CES2: variants seen among roughly 807,000 people sequenced by gnomAD.
CES2 encodes the protein cocaine esterase.
A neutral mutation model predicts 52.1 loss-of-function variants in CES2; 42 were observed. The observed-to-expected ratio is 0.81, with a 90% CI of 0.63 to 1.04. The LOEUF (loss-of-function observed/expected upper bound fraction) is 1.04. Ranked by LOEUF, CES2 falls within the 50% of genes least tolerant of loss-of-function variation. The pLI is 0.00. For missense variants in CES2, 656 were observed against 724.3 expected (o/e 0.91, Z 1.08); for synonymous variants, 277 against 289.6 (o/e 0.96, Z 0.44).
Position 66,943,671 on chromosome 16 carries a change from C to T in CES2, c.1494-168C>T, listed in dbSNP as rs1362084493. The T allele has an allele frequency of 1.7e-6, 1 of 602,322 alleles. No individual in the cohort carries two copies. The highest frequency in any genetic ancestry group is 2.9e-6 in the Non-Finnish European group (1 of 344,812). 37.3% of individuals were successfully genotyped at this position (602,322 alleles called of 1,614,324 possible). A position where few individuals can be genotyped will look rare whatever the true frequency, so the allele number is the denominator to read the frequency against. ...CCCCCAACCCCCACTGGTGCTGACA[C>T]TAGCCAGAGGGAGCTTATTTCCTGT... On this transcript the variant is annotated intron_variant, in intron 11 of 11. Transcript: ENST00000317091. The surrounding 1 kb of genome is among the most constrained non-coding windows in gnomAD (Gnocchi z 4.2).
At chr16:66,942,011 T>C in intron 8 of CES2, 94 bp from the exon 9 acceptor site, 1 of 1,526,760 alleles carries the variant, frequency 6.5e-7, no homozygotes. Flanking sequence ...TCGCCTTTGC[T>C]CCCCCTTCCT....
At chr16:66,942,549 A>G in intron 9 of CES2, 99 bp from the exon 10 acceptor site, 1 of 1,389,792 alleles carries the variant, frequency 7.2e-7, no homozygotes, top group Non-Finnish European at 9.9e-7. Context: ...CATTGTCCAG[A>G]TTCCAGCCAG....
Position 66,941,768 on chromosome 16 carries a change from G to C in CES2, c.1057G>C (p.Val353Leu), listed in dbSNP as rs1057434076. 3 of 1,614,016 alleles carry C rather than the reference G, an allele frequency of 1.9e-6. No individual in the cohort carries two copies. In the African/African-American group the frequency reaches 4.0e-5, roughly 22 times the overall value. ...TACAGACTCTCTCCTGGCCATCCAG[G>C]TCATGAGGATCTATGATACCCAGAA... ...NNEFGWLIPK[V>L]MRIYDTQKEM... Residue 353 changes from valine (V) to leucine (L), a missense_variant and splice_region_variant, in exon 8 of 12, where the codon GTC (valine) becomes CTC (leucine). By Grantham distance (32) the Val-to-Leu change is conservative. Coordinates refer to ENST00000317091, the MANE Select transcript of CES2 (RefSeq NM_001365405.1).
chr16:66,934,601 G>A (rs1963154164), upstream of CES2: 8 of 609,852 alleles, frequency 1.3e-5, no homozygotes, highest in Admixed American at 1.0e-4. The surrounding 1 kb of genome is among the most constrained non-coding windows in gnomAD (Gnocchi z 4.1). Flanking sequence ...GCGGCGCTGG[G>A]TCGTGCGAGC....
intron 1 of CES2, among the ~76,000 whole-genome samples, chr16:66,937,597 C>T (rs1963244148): frequency 6.6e-6 from 1 of 152,210 alleles, no homozygotes; most frequent in Non-Finnish European, 1.5e-5. Flanking sequence ...CCATACTTTT[C>T]TCTTGCACCT....
At position 66,942,158 on chromosome 16, in the gene CES2, T is replaced by G; in HGVS notation, c.1191T>G (p.Asn397Lys). 2 of 1,613,654 alleles carry G rather than the reference T, an allele frequency of 1.2e-6. No individual in the cohort carries two copies. The highest frequency in any genetic ancestry group is 1.7e-6 in the Non-Finnish European group (2 of 1,179,670). Reference protein sequence around the residue: ...DLLREEYIGDNGDPQTLQAQF... With the variant: ...DLLREEYIGDKGDPQTLQAQF... Reference sequence around the variant, plus strand: ...TGAGGGAGGAGTACATTGGGGACAATGGGGATCCCCAGACCCTCCAAGCGC... The same window carrying G: ...TGAGGGAGGAGTACATTGGGGACAAGGGGGATCCCCAGACCCTCCAAGCGC... The change falls in exon 9 of 12, where the codon AAT (asparagine) becomes AAG (lysine). Residue 397 changes from asparagine (N) to lysine (K), a missense_variant. Physicochemically the swap from Asn to Lys is moderately conservative, Grantham distance 94. Transcript: ENST00000317091.
At chr16:66,939,080 A>C in intron 2 of CES2, 137 bp from the exon 3 acceptor site, 1 of 703,238 alleles carries the variant, frequency 1.4e-6, no homozygotes, top group East Asian at 2.8e-5. Flanking sequence ...CTTGGTGGGA[A>C]GGGATTTTTG....
chr16:66,934,897 C>T (rs1457634030), upstream of CES2: 2 of 159,860 alleles, frequency 1.3e-5, no homozygotes, highest in Non-Finnish European at 2.7e-5. The surrounding 1 kb of genome is among the most constrained non-coding windows in gnomAD (Gnocchi z 4.1). Flanking sequence ...TGACCATGGC[C>T]GTGGTCTCCG....
At position 66,943,682 on chromosome 16, in the gene CES2, G is replaced by T; in HGVS notation, c.1494-157G>T. On this transcript the variant is annotated intron_variant, in intron 11 of 11. Coordinates refer to ENST00000317091, the MANE Select transcript of CES2 (RefSeq NM_001365405.1). The surrounding 1 kb of genome is among the most constrained non-coding windows in gnomAD (Gnocchi z 4.2). Reference sequence around the variant, plus strand: ...CACTGGTGCTGACACTAGCCAGAGGGAGCTTATTTCCTGTTTCTGGAAGCC... The same window carrying T: ...CACTGGTGCTGACACTAGCCAGAGGTAGCTTATTTCCTGTTTCTGGAAGCC... The T allele has an allele frequency of 1.6e-6, 1 of 612,512 alleles. No individual in the cohort carries two copies. The highest frequency in any genetic ancestry group is 2.8e-6 in the Non-Finnish European group (1 of 352,064). 37.9% of individuals were successfully genotyped at this position (612,512 alleles called of 1,614,324 possible).
chr16:66,935,053 G>C (rs1179924137), upstream of CES2: 1 of 196,540 alleles, frequency 5.1e-6, no homozygotes. Context: ...GTAAGGAGAT[G>C]AGGGGCCGTG....
Position 66,944,320 on chromosome 16 carries a change from AAAAAG to A in CES2, c.*297_*301del. The A allele has an allele frequency of 4.5e-6, 1 of 220,204 alleles. No homozygotes were observed. Among genetic ancestry groups the A allele is most frequent in the Non-Finnish European group, 7.9e-6 (1 of 126,204 alleles). 13.6% of individuals were successfully genotyped at this position (220,204 alleles called of 1,614,324 possible). On this transcript the variant is annotated 3_prime_UTR_variant, in exon 12 of 12. Transcript: ENST00000317091. ...AGACCCCTTCTCAAAAAAAAAAAAA[AAAAAG>A]AGAGAGTGTGTGATTAGAAGCTAAA...
chr16:66,943,443 G>C lies in CES2; in HGVS notation c.1493+72G>C. On this transcript the variant is annotated intron_variant, in intron 11 of 11. Coordinates refer to ENST00000317091, the MANE Select transcript of CES2 (RefSeq NM_001365405.1). This position sits in a 1 kb window ranked among gnomAD's most constrained non-coding sequence, Gnocchi z 4.2. Reference sequence around the variant, plus strand: ...TGCCCATCCAGTGCTCTCCTAGTCTGGGGTGACCTCATGAGCACACCCGCA... The same window carrying C: ...TGCCCATCCAGTGCTCTCCTAGTCTCGGGTGACCTCATGAGCACACCCGCA... The C allele has an allele frequency of 6.5e-7, 1 of 1,532,830 alleles. No homozygotes were observed. Among genetic ancestry groups the C allele is most frequent in the East Asian group, 2.3e-5 (1 of 44,316 alleles). The allele number at this position is 1,532,830 out of a possible 1,614,324, so 95.0% of individuals were successfully genotyped here.
In CES2 at chr16:66,938,217, G is replaced by A. The variant is rs764581789; in HGVS notation, c.257G>A (p.Arg86Lys). Reference protein sequence around the residue: ...PEPPESWSGVRDGTTHPAMCL... With the variant: ...PEPPESWSGVKDGTTHPAMCL... Reference sequence around the variant, plus strand: ...CCCCCTGAATCTTGGAGTGGTGTGAGGGATGGAACCACCCATCCGGCCATG... The same window carrying A: ...CCCCCTGAATCTTGGAGTGGTGTGAAGGATGGAACCACCCATCCGGCCATG... The change falls in exon 2 of 12, where the codon AGG becomes AAG. Residue 86 changes from arginine to lysine, a missense_variant. Physicochemically the swap from Arg to Lys is conservative, Grantham distance 26. Transcript: ENST00000317091. The A allele has an allele frequency of 1.5e-5, 25 of 1,613,886 alleles. No homozygotes were observed. The highest frequency in any genetic ancestry group is 2.0e-5 in the Non-Finnish European group (24 of 1,179,862).
chr16:66,935,957 G>A lies in CES2; in HGVS notation c.76+246G>A, dbSNP rs1484454654. The A allele has an allele frequency of 3.5e-6, 5 of 1,411,960 alleles. No homozygotes were observed. In the Admixed American group the frequency reaches 8.8e-5, roughly 25 times the overall value. 87.5% of individuals were successfully genotyped at this position (1,411,960 alleles called of 1,614,324 possible). A position where few individuals can be genotyped will look rare whatever the true frequency, so the allele number is the denominator to read the frequency against. ...AGCGGAGTACAGGGGCCCCAGGAGC[G>A]CCGGGACATGCCAGGCCGGGTAGGC... On this transcript the variant is annotated intron_variant, in intron 1 of 11. Transcript: ENST00000317091.
Position 66,935,662 on chromosome 16 carries a change from G to A in CES2, c.27G>A (p.Arg9=). 2 of 1,603,248 alleles carry A rather than the reference G, an allele frequency of 1.2e-6. No homozygotes were observed. Among genetic ancestry groups the A allele is most frequent in the Non-Finnish European group, 1.7e-6 (2 of 1,179,864 alleles). MRLHRLRA[R]LSAVACGLLL... ...TGCGGCTGCACAGACTTCGTGCGCGGCTGAGCGCGGTGGCCTGTGGGCTTC... is the reference window on the plus strand; with the variant it reads ...TGCGGCTGCACAGACTTCGTGCGCGACTGAGCGCGGTGGCCTGTGGGCTTC... The change falls in exon 1 of 12, where the codon CGG becomes CGA. Residue 9 remains arginine (R), a synonymous_variant. Transcript: ENST00000317091.
At chr16:66,940,079 TA>T in intron 3 of CES2, 142 bp from the exon 4 acceptor site, 1 of 1,167,442 alleles carries the variant, frequency 8.6e-7, no homozygotes, top group Non-Finnish European at 1.2e-6. Flanking sequence ...CTTGGGTGCC[TA>T]ACCATTTGCC....
chr16:66,943,524 G>C lies in CES2; in HGVS notation c.1493+153G>C, dbSNP rs372266766. On this transcript the variant is annotated intron_variant, in intron 11 of 11. Transcript: ENST00000317091. This position sits in a 1 kb window ranked among gnomAD's most constrained non-coding sequence, Gnocchi z 4.2. ...CTCCGGGACCCACTCAGACAGGGTGGGGGTGCGTGGGGCAGTGGACACGCT... is the reference window on the plus strand; with the variant it reads ...CTCCGGGACCCACTCAGACAGGGTGCGGGTGCGTGGGGCAGTGGACACGCT... 1 of 753,632 alleles carries C rather than the reference G, an allele frequency of 1.3e-6. No individual in the cohort carries two copies. The highest frequency in any genetic ancestry group is 2.3e-5 in the Admixed American group (1 of 42,920). 46.7% of individuals were successfully genotyped at this position (753,632 alleles called of 1,614,324 possible).
intron 1 of CES2, 95 bp downstream of exon 1, chr16:66,935,806 G>C: frequency 6.3e-7 from 1 of 1,590,076 alleles, no homozygotes; most frequent in Non-Finnish European, 8.5e-7. Flanking sequence ...AGGCGCCTGG[G>C]AGGTAGGAGC....
upstream of CES2, chr16:66,934,593 G>A (rs1963153918): frequency 3.1e-6 from 2 of 641,848 alleles, no homozygotes; most frequent in Non-Finnish European, 5.1e-6. The surrounding 1 kb of genome is among the most constrained non-coding windows in gnomAD (Gnocchi z 4.1). Context: ...GGACCACGGC[G>A]GCGCTGGGTC....
Sources: gnomAD v4.1 joint callset for allele counts (sites outside exome capture counted in the v4.1 genomes callset) on GRCh38, gnomAD v4.1.1 for gene constraint, Gnocchi (gnomAD v3.1) non-coding constraint, MANE v1.5 for transcripts, NCBI Gene and HGNC (gene_info 2026-07-23, HGNC 2026-07-21) for gene names.